IRAG2: variants seen among roughly 807,000 people sequenced by gnomAD.
The protein encoded by IRAG2 is lymphoid restricted membrane protein.
In IRAG2, 45 loss-of-function variants were observed where a neutral mutation model predicts 69.9. The ratio of observed to expected loss-of-function variants is 0.64; its 90% confidence interval spans 0.51 to 0.83. The LOEUF is 0.83. Among genes scored for constraint, IRAG2 ranks in the 40% least tolerant of loss-of-function variants. IRAG2 has a pLI of 0.00. For synonymous variants in IRAG2, 193 were observed against 202.4 expected (o/e 0.95, Z 0.40); for missense variants, 520 against 587.0 (o/e 0.89, Z 1.18).
chr12:25,054,364 A>C (rs1288316821), intron 1 of IRAG2, among the ~76,000 whole-genome samples: 1 of 152,192 alleles, frequency 6.6e-6, no homozygotes, highest in African/African-American at 2.4e-5. Context: ...GCCCAGGACT[A>C]TTCTTTTGCT....
In IRAG2 at chr12:25,076,372, A is replaced by G. The variant is rs1011831444; in HGVS notation, c.25-2872A>G. 9.4e-6 allele frequency: 9 copies of G among 956,662 alleles called. No homozygotes were observed. In the African/African-American group the frequency reaches 1.1e-4, roughly 11 times the overall value. The allele number at this position is 956,662 out of a possible 1,614,324, so 59.3% of individuals were successfully genotyped here. ...ATTTATTGAAAGACTTCTAACTACA[A>G]TGTTTCATATCTAACGTATAGGGCA... On this transcript the variant is annotated intron_variant, in intron 6 of 21. Coordinates refer to ENST00000556887, the MANE Select transcript of IRAG2 (RefSeq NM_001366544.2).
chr12:25,096,197 C>T (rs1948409993), intron 14 of IRAG2, among the ~76,000 whole-genome samples: 1 of 152,136 alleles, frequency 6.6e-6, no homozygotes, highest in East Asian at 1.9e-4. Flanking sequence ...AATTTACAGT[C>T]GGTGGTGCCT....
chr12:25,022,780 A>G (rs1342505127), intron 7 of IRAG2, among the ~76,000 whole-genome samples: 3 of 152,254 alleles, frequency 2.0e-5, no homozygotes, highest in African/African-American at 7.2e-5. Context: ...TTAGAACATC[A>G]TGTTATACAT....
chr12:25,050,497 C>A (rs1944839438), upstream of IRAG2, among the ~76,000 whole-genome samples: 1 of 138,614 alleles, frequency 7.2e-6, no homozygotes, highest in African/African-American at 2.6e-5. Flanking sequence ...CCAGTGCACT[C>A]CAGCCTGGAG....
Position 25,013,866 on chromosome 12 carries a change from C to CTTTTT in IRAG2, c.897-1294_897-1290dup, listed in dbSNP as rs71063386. On this transcript the variant is annotated intron_variant, in intron 3 of 38. Coordinates refer to the IRAG2 transcript ENST00000636465. The stretch of plus-strand genomic sequence containing the variant: ...GGTTTTAATTTTTTGTTTTCTTTTT[C>CTTTTT]TTTTTTTTTTTTTTTTTTTTTTTTT... Among the ~76,000 whole-genome samples the CTTTTT allele has an allele frequency of 2.7e-3, 211 of 79,550 alleles. 10 individuals carry two copies. Among genetic ancestry groups the CTTTTT allele is most frequent in the Middle Eastern group, 0.014 (1 of 74 alleles). 52.2% of individuals were successfully genotyped at this position (79,550 alleles called of 152,430 possible).
At chr12:24,999,517 G>A (rs948302146), upstream of IRAG2, among the ~76,000 whole-genome samples, 1 of 152,140 alleles carries the variant, frequency 6.6e-6, no homozygotes, top group Non-Finnish European at 1.5e-5. Flanking sequence ...AAAAAGATTA[G>A]CAACATAAGC....
At chr12:25,017,155 C>T in exon 6 of IRAG2, 11 of 1,231,980 alleles carry the variant, frequency 8.9e-6, no homozygotes, top group Non-Finnish European at 1.1e-5. Flanking sequence ...ATTTGATTGC[C>T]TACGTAGCAG....
intron 17 of IRAG2, chr12:25,102,478 C>T: frequency 2.1e-6 from 1 of 486,256 alleles, no homozygotes; most frequent in African/African-American, 2.0e-5. Flanking sequence ...TTGTGTAAAA[C>T]TGAAGTTGGA....
rs56728551 is a variant in IRAG2, at chr12:25,100,000, GAAAAAAAAAA to G, written c.742-1162_742-1153del. Among the ~76,000 whole-genome samples the G allele has an allele frequency of 1.9e-4, 5 of 25,674 alleles. No individual in the cohort carries two copies. In the South Asian group the frequency reaches 6.9e-3, roughly 35 times the overall value. 16.8% of individuals were successfully genotyped at this position (25,674 alleles called of 152,430 possible). On this transcript the variant is annotated intron_variant, in intron 15 of 21. Transcript: ENST00000556887. ...GGGCAACAAGAGTGAGACTCCATCT[GAAAAAAAAAA>G]AAAAAAAAAAAAAAATGGGCAAAAG...
At chr12:25,067,656 CATTTATTT>C (rs1436342462) in intron 5 of IRAG2, among the ~76,000 whole-genome samples, 1 of 151,994 alleles carries the variant, frequency 6.6e-6, no homozygotes, top group Non-Finnish European at 1.5e-5. Context: ...TTATTTTATT[CATTTATTT>C]ATTTATTTAA....
chr12:25,051,397 A>G (rs1007467336), upstream of IRAG2, among the ~76,000 whole-genome samples: 6 of 152,212 alleles, frequency 3.9e-5, no homozygotes, highest in African/African-American at 1.4e-4. Flanking sequence ...CACAAGGCCT[A>G]CGGCTGACAA....
At chr12:25,018,456 T>A (rs904867900) in intron 6 of IRAG2, among the ~76,000 whole-genome samples, 1 of 152,078 alleles carries the variant, frequency 6.6e-6, no homozygotes, top group Non-Finnish European at 1.5e-5. Context: ...TCTGCTCACC[T>A]CATCCTCCCA....
chr12:25,031,235 C>T (rs920459768), intron 10 of IRAG2: 24 of 188,616 alleles, frequency 1.3e-4, no homozygotes, highest in Admixed American at 7.8e-4. Context: ...TGCGGGTGTT[C>T]TCTATGTAAT....
At chr12:25,061,980 T>C (rs2139972825) in intron 2 of IRAG2, among the ~76,000 whole-genome samples, 2 of 152,326 alleles carry the variant, frequency 1.3e-5, no homozygotes, top group Admixed American at 1.3e-4. Context: ...TAAGGGCATA[T>C]CATTCAATTT....
intron 6 of IRAG2, among the ~76,000 whole-genome samples, chr12:25,075,506 CTG>C (rs1035420546): frequency 4.2e-5 from 6 of 142,108 alleles, no homozygotes; most frequent in Non-Finnish European, 7.6e-5. Context: ...AATAATATTG[CTG>C]TGTGTGTGTA....
At chr12:25,104,610 A>G (rs1330280374) in intron 20 of IRAG2, 148 bp downstream of exon 20, 7 of 602,794 alleles carry the variant, frequency 1.2e-5, no homozygotes, top group Non-Finnish European at 2.1e-5. Context: ...AAAGCACAAT[A>G]TAAGTGTTAT....
intron 10 of IRAG2, chr12:25,031,179 G>T: frequency 1.8e-6 from 1 of 553,078 alleles, no homozygotes; most frequent in Non-Finnish European, 2.3e-6. Context: ...CATAGCTGTG[G>T]ACTTTGACTG....
exon 14 of IRAG2, chr12:25,035,703 C>A: frequency 2.5e-6 from 1 of 398,976 alleles, no homozygotes. Context: ...CATCTCTGGA[C>A]GCCATGATGG....
chr12:25,025,034 A>G (rs1408407291), intron 8 of IRAG2, among the ~76,000 whole-genome samples: 1 of 152,244 alleles, frequency 6.6e-6, no homozygotes, highest in Non-Finnish European at 1.5e-5. Context: ...TAACATCACA[A>G]TGGTTTGGGT....
Sources: allele counts gnomAD v4.1 joint callset (sites outside exome capture counted in the v4.1 genomes callset), GRCh38; gene constraint gnomAD v4.1.1; transcripts MANE v1.5; gene names NCBI Gene and HGNC (gene_info 2026-07-23, HGNC 2026-07-21).